Variants in DOCK3 observed in about 807,000 individuals in gnomAD.
The protein encoded by DOCK3 is dedicator of cytokinesis protein 3.
In DOCK3, 60 loss-of-function variants were observed where a neutral mutation model predicts 265.6. The ratio of observed to expected loss-of-function variants is 0.23; its 90% CI spans 0.18 to 0.28. The LOEUF (loss-of-function observed/expected upper bound fraction) is 0.28, where lower values mean the gene tolerates loss of function less well. Ranked by LOEUF, DOCK3 falls within the 10% of genes least tolerant of loss-of-function variation. The pLI is 1.00. For synonymous variants in DOCK3, 881 were observed against 938.0 expected (o/e 0.94, Z 1.11); for missense variants, 1,981 against 2,594.3 (o/e 0.76, Z 5.14).
chr3:51,200,179 G>A (rs551343932), intron 12 of DOCK3, among the ~76,000 whole-genome samples: 34 of 152,208 alleles, frequency 2.2e-4, no homozygotes, highest in Admixed American at 1.4e-3. Context: ...AACAAAGCTG[G>A]TTGGAGAATG....
rs781347242 is a variant in DOCK3, at chr3:51,280,171, C to A, written c.2889C>A (p.Leu963=). 1 of 1,613,868 alleles carries A rather than the reference C, an allele frequency of 6.2e-7. No individual in the cohort carries two copies. The highest frequency in any genetic ancestry group is 1.7e-5 in the Admixed American group (1 of 60,008). The change falls in exon 27 of 53, where the codon CTC becomes CTA. Residue 963 remains leucine (L), a synonymous_variant. Coordinates refer to ENST00000266037, the MANE Select transcript of DOCK3 (RefSeq NM_004947.5). The stretch of plus-strand genomic sequence containing the variant: ...TGTGTGACACCCATTTCCAGCACCT[C>A]CTGGACAACTTCCAGAGCAAAGATG... ...RQMCDTHFQH[L]LDNFQSKDEL... is the part of the protein sequence containing the mutation.
intron 22 of DOCK3, among the ~76,000 whole-genome samples, chr3:51,249,119 G>A (rs1365691588): frequency 2.0e-4 from 24 of 120,020 alleles, no homozygotes; most frequent in South Asian, 1.1e-3. Context: ...TCAGCCCCCC[G>A]CCAGGCCAGC....
At chr3:50,990,004 G>A (rs1274152440) in intron 5 of DOCK3, among the ~76,000 whole-genome samples, 1 of 152,098 alleles carries the variant, frequency 6.6e-6, no homozygotes, top group Non-Finnish European at 1.5e-5. Context: ...GAATTTCACA[G>A]TACAATCACA....
At chr3:51,249,715 C>G in intron 22 of DOCK3, among the ~76,000 whole-genome samples, 1 of 128,428 alleles carries the variant, frequency 7.8e-6, no homozygotes, top group African/African-American at 2.8e-5. Context: ...CTCTGCCCGG[C>G]CGCCCCTACT....
At chr3:51,329,237 T>C (rs1576823073) in intron 32 of DOCK3, among the ~76,000 whole-genome samples, 1 of 152,188 alleles carries the variant, frequency 6.6e-6, no homozygotes, top group Admixed American at 6.5e-5. Context: ...GTGAATCCAG[T>C]GAGACCTATT....
chr3:51,307,297 G>A (rs1275958439), intron 27 of DOCK3, among the ~76,000 whole-genome samples: 1 of 151,988 alleles, frequency 6.6e-6, no homozygotes, highest in Non-Finnish European at 1.5e-5. Flanking sequence ...TTAATTTTTT[G>A]TAAAGATGGG....
In DOCK3 at chr3:50,909,730, G is replaced by C. The variant is rs576478453; in HGVS notation, c.218+19649G>C. Among the ~76,000 whole-genome samples, 34 of 148,504 alleles carry C rather than the reference G, an allele frequency of 2.3e-4. No homozygotes were observed. In the South Asian group the frequency reaches 2.6e-3, roughly 11 times the overall value. On this transcript the variant is annotated intron_variant, in intron 4 of 52. Transcript: ENST00000266037. ...ATCTTCTTGTGGAGTATCTTACTGA[G>C]GTTCTCTGGATTTCTTGAATTTGAA...
intron 12 of DOCK3, among the ~76,000 whole-genome samples, chr3:51,208,513 G>A (rs566210514): frequency 8.5e-5 from 13 of 152,344 alleles, no homozygotes; most frequent in African/African-American, 2.9e-4. Context: ...AACTTTTCAT[G>A]TGGGATAGTG....
chr3:51,241,302 T>A (rs1560268608), intron 21 of DOCK3, among the ~76,000 whole-genome samples: 1 of 152,216 alleles, frequency 6.6e-6, no homozygotes, highest in Non-Finnish European at 1.5e-5. Flanking sequence ...TTTAGTCTCA[T>A]GAGCTTCCCT....
chr3:50,738,319 G>A (rs1237807548), intron 1 of DOCK3, among the ~76,000 whole-genome samples: 2 of 152,138 alleles, frequency 1.3e-5, no homozygotes. Context: ...GGCAATTGGA[G>A]CCTGAAAGAA....
rs2041167949 is a variant in DOCK3, at chr3:50,769,831, A to T, written c.38-8844A>T. Among the ~76,000 whole-genome samples, 5 of 148,166 alleles carry T rather than the reference A, an allele frequency of 3.4e-5. No homozygotes were observed. In the South Asian group the frequency reaches 1.1e-3, roughly 32 times the overall value. ...TGTCTCAAAAAAAAAAAAAAAAAAAAAGTTTTAGCCAGAGCAATTAGGCAA... is the reference window on the plus strand; with the variant it reads ...TGTCTCAAAAAAAAAAAAAAAAAAATAGTTTTAGCCAGAGCAATTAGGCAA... On this transcript the variant is annotated intron_variant, in intron 1 of 52. Transcript: ENST00000266037.
At chr3:51,036,366 A>G (rs1027362903) in intron 5 of DOCK3, among the ~76,000 whole-genome samples, 1 of 152,168 alleles carries the variant, frequency 6.6e-6, no homozygotes, top group African/African-American at 2.4e-5. Flanking sequence ...AATATAGTCA[A>G]TCTTTCATAA....
chr3:50,808,502 C>G (rs2106716427), intron 2 of DOCK3, among the ~76,000 whole-genome samples: 1 of 152,220 alleles, frequency 6.6e-6, no homozygotes, highest in Non-Finnish European at 1.5e-5. Context: ...ACTACTGAAA[C>G]AGAATAGAGG....
chr3:50,751,907 T>A (rs2039838667), intron 1 of DOCK3, among the ~76,000 whole-genome samples: 2 of 151,732 alleles, frequency 1.3e-5, no homozygotes, highest in South Asian at 4.2e-4. Context: ...AACCATCAGA[T>A]CTCCTGAAAA....
At chr3:51,339,758 G>A (rs2085114675) in intron 37 of DOCK3, among the ~76,000 whole-genome samples, 1 of 152,164 alleles carries the variant, frequency 6.6e-6, no homozygotes, top group South Asian at 2.1e-4. Context: ...CCCCCAAAGA[G>A]CCATTTTCTC....
intron 2 of DOCK3, among the ~76,000 whole-genome samples, chr3:50,784,056 T>TG (rs1437475099): frequency 6.6e-6 from 1 of 152,024 alleles, no homozygotes; most frequent in African/African-American, 2.4e-5. Context: ...TTAGTAGAGG[T>TG]GGGGTTTCAC....
At chr3:50,952,815 G>A (rs962759624) in intron 5 of DOCK3, among the ~76,000 whole-genome samples, 2 of 152,128 alleles carry the variant, frequency 1.3e-5, no homozygotes, top group African/African-American at 4.8e-5. Flanking sequence ...CTTAAACACC[G>A]AGTCTTAGTT....
chr3:51,002,023 G>A (rs1016906915), intron 5 of DOCK3, among the ~76,000 whole-genome samples: 1 of 151,960 alleles, frequency 6.6e-6, no homozygotes, highest in Admixed American at 6.6e-5. Flanking sequence ...ATTGCTCACT[G>A]CCATCTCAAA....
intron 4 of DOCK3, among the ~76,000 whole-genome samples, chr3:50,926,414 T>A (rs919294732): frequency 1.3e-5 from 2 of 152,232 alleles, no homozygotes; most frequent in African/African-American, 4.8e-5. Flanking sequence ...TTTATTTAAT[T>A]CATTCTATGA....
Sources: allele counts gnomAD v4.1 joint callset (sites outside exome capture counted in the v4.1 genomes callset), GRCh38; gene constraint gnomAD v4.1.1; transcripts MANE v1.5; gene names NCBI Gene and HGNC (gene_info 2026-07-23, HGNC 2026-07-21).